DOCK7: variants seen among roughly 807,000 people sequenced by gnomAD.
DOCK7 encodes the protein dedicator of cytokinesis protein 7.
Under a neutral mutation model 271.0 loss-of-function variants are expected in DOCK7, and 138 were observed. The ratio of observed to expected loss-of-function variants is 0.51; its 90% CI spans 0.44 to 0.59. DOCK7 has a LOEUF of 0.59. Ranked by LOEUF, DOCK7 falls within the 20% of genes least tolerant of loss-of-function variation. The pLI is 0.00. For synonymous variants in DOCK7, 823 were observed against 876.1 expected, an observed-to-expected ratio of 0.94 and a Z score of 1.07; for missense variants, 2,066 against 2,592.4, an observed-to-expected ratio of 0.80 and a Z score of 4.41.
intron 14 of DOCK7, chr1:62,608,383 A>G (rs1405503977): frequency 6.6e-6 from 1 of 152,150 alleles, no homozygotes; most frequent in African/African-American, 2.4e-5. Context: ...ATGCCTTCCT[A>G]ATGTATTCCA....
intron 48 of DOCK7, among the ~76,000 whole-genome samples, chr1:62,461,899 G>A (rs1193981469): frequency 1.3e-5 from 2 of 150,646 alleles, no homozygotes; most frequent in Non-Finnish European, 3.0e-5. Flanking sequence ...TGGAGAAACA[G>A]CATCTCTACT....
At chr1:62,557,937 C>A (rs1037992050) in intron 20 of DOCK7, among the ~76,000 whole-genome samples, 1 of 151,994 alleles carries the variant, frequency 6.6e-6, no homozygotes, top group African/African-American at 2.4e-5. Flanking sequence ...TAATTTGTCT[C>A]CCTGCCTGTA....
chr1:62,682,794 A>C (rs956509276), intron 1 of DOCK7, among the ~76,000 whole-genome samples: 1 of 152,236 alleles, frequency 6.6e-6, no homozygotes, highest in Non-Finnish European at 1.5e-5. Flanking sequence ...TCTTTGTTTT[A>C]GGATGAGAAA....
At chr1:62,674,710 A>C (rs1386249760) in intron 1 of DOCK7, among the ~76,000 whole-genome samples, 1 of 152,220 alleles carries the variant, frequency 6.6e-6, no homozygotes, top group East Asian at 1.9e-4. Context: ...CAATTGGACA[A>C]AAGTATTCTT....
rs1302080740 is a variant in DOCK7 at position 62,688,232 on chromosome 1, G to C, written c.33C>G (p.Ile11Met). 1 of 1,377,492 alleles carries C rather than the reference G, an allele frequency of 7.3e-7. No individual in the cohort carries two copies. The highest frequency in any genetic ancestry group is 1.5e-5 in the African/African-American group (1 of 66,496). 85.3% of individuals were successfully genotyped at this position (1,377,492 alleles called of 1,614,324 possible). The change falls in exon 1 of 50, where the codon ATC becomes ATG. Residue 11 changes from isoleucine (I) to methionine (M), a missense_variant. By Grantham distance (10) the Ile-to-Met change is conservative (BLOSUM62 1). Coordinates refer to ENST00000635253, the MANE Select transcript of DOCK7 (RefSeq NM_001367561.1). Reference sequence around the variant, plus strand: ...GCCCCACGCCGGATATTTACCTGCTGATCTTCTGGGCGAAGGCGCGGCGCT... The same window carrying C: ...GCCCCACGCCGGATATTTACCTGCTCATCTTCTGGGCGAAGGCGCGGCGCT... MAERRAFAQK[I>M]SRTVAAEVRK...
intron 4 of DOCK7, among the ~76,000 whole-genome samples, chr1:62,651,851 T>C (rs1245338032): frequency 6.6e-6 from 1 of 152,306 alleles, no homozygotes; most frequent in African/African-American, 2.4e-5. Flanking sequence ...CTTGGCAATT[T>C]TGGGTTCTAT....
intron 18 of DOCK7, among the ~76,000 whole-genome samples, chr1:62,572,742 T>TC (rs1646824627): frequency 6.6e-6 from 1 of 152,114 alleles, no homozygotes; most frequent in African/African-American, 2.4e-5. Context: ...TTCCAAAGAC[T>TC]CCATCTCAAA....
Position 62,489,076 on chromosome 1 carries a change from A to T in DOCK7, c.5362-11T>A, listed in dbSNP as rs752146447. 1.9e-5 allele frequency: 29 copies of T among 1,548,954 alleles called. No individual in the cohort carries two copies. Among genetic ancestry groups the T allele is most frequent in the Non-Finnish European group, 2.3e-5 (27 of 1,150,996 alleles). On this transcript the variant is annotated splice_polypyrimidine_tract_variant and intron_variant, in intron 41 of 49. Transcript: ENST00000635253. ...TTCATACATGCCAGCCTATAAGAAA[A>T]AATTTTGTTAAGATGTTGCTTTCTT...
At chr1:62,600,425 C>CA (rs1649938246) in intron 14 of DOCK7, among the ~76,000 whole-genome samples, 1 of 151,754 alleles carries the variant, frequency 6.6e-6, no homozygotes, top group Non-Finnish European at 1.5e-5. Context: ...ATGCCAGCAT[C>CA]AAAAAACTAA....
At chr1:62,617,283 G>A (rs975290012) in intron 14 of DOCK7, among the ~76,000 whole-genome samples, 1 of 151,878 alleles carries the variant, frequency 6.6e-6, no homozygotes, top group African/African-American at 2.4e-5. Flanking sequence ...CATAGAAAAG[G>A]AGCCAACTCA....
At chr1:62,601,329 G>T in intron 14 of DOCK7, 1 of 686,416 alleles carries the variant, frequency 1.5e-6, no homozygotes, top group Non-Finnish European at 2.6e-6. Flanking sequence ...CTGGATGCTG[G>T]GGTTCTTTTT....
At chr1:62,646,523 C>T (rs1367667471) in intron 7 of DOCK7, among the ~76,000 whole-genome samples, 1 of 152,056 alleles carries the variant, frequency 6.6e-6, no homozygotes, top group Non-Finnish European at 1.5e-5. Flanking sequence ...GAACTGGTAT[C>T]CTTATAAGAA....
intron 18 of DOCK7, among the ~76,000 whole-genome samples, chr1:62,572,713 T>G (rs2149472548): frequency 6.6e-6 from 1 of 152,216 alleles, no homozygotes; most frequent in East Asian, 1.9e-4. Flanking sequence ...CCTTATAACC[T>G]TGTCTAAACC....
intron 14 of DOCK7, among the ~76,000 whole-genome samples, chr1:62,592,554 T>TAA (rs1444421140): frequency 3.9e-5 from 6 of 152,114 alleles, no homozygotes; most frequent in South Asian, 2.1e-4. Flanking sequence ...GTTATATATA[T>TAA]AACAAAGAAT....
intron 34 of DOCK7, among the ~76,000 whole-genome samples, chr1:62,509,134 CA>C (rs1207962008): frequency 6.6e-6 from 1 of 151,812 alleles, no homozygotes; most frequent in African/African-American, 2.4e-5. Context: ...CCAGCCTGCA[CA>C]ACATGGCAAA....
chr1:62,591,230 T>C (rs1648396127), intron 14 of DOCK7, among the ~76,000 whole-genome samples: 1 of 152,174 alleles, frequency 6.6e-6, no homozygotes, highest in South Asian at 2.1e-4. Flanking sequence ...CCACTATCCT[T>C]AGCAAACTAA....
At chr1:62,557,868 T>C (rs935723493) in intron 20 of DOCK7, among the ~76,000 whole-genome samples, 1 of 151,998 alleles carries the variant, frequency 6.6e-6, no homozygotes, top group African/African-American at 2.4e-5. Context: ...CTCCATCCCA[T>C]TGTCACCCAT....
intron 31 of DOCK7, among the ~76,000 whole-genome samples, chr1:62,514,391 T>C (rs1021146316): frequency 1.3e-5 from 2 of 152,124 alleles, no homozygotes; most frequent in South Asian, 2.1e-4. Context: ...TCTTAGGCTA[T>C]ATAGAAGTAA....
intron 19 of DOCK7, among the ~76,000 whole-genome samples, chr1:62,559,588 T>C (rs1240654723): frequency 3.3e-5 from 5 of 152,142 alleles, no homozygotes; most frequent in African/African-American, 1.2e-4. Flanking sequence ...CTCATCGCCA[T>C]ACCTTATGAT....
Sources: allele counts gnomAD v4.1 joint callset (sites outside exome capture counted in the v4.1 genomes callset), GRCh38; gene constraint gnomAD v4.1.1; transcripts MANE v1.5; gene names NCBI Gene and HGNC (gene_info 2026-07-23, HGNC 2026-07-21).